SCN8A: variants seen among roughly 807,000 people sequenced by gnomAD.
SCN8A encodes sodium channel protein type 8 subunit alpha.
Under a neutral mutation model 184.1 loss-of-function variants are expected in SCN8A, and 30 were observed. The observed-to-expected ratio is 0.16, with a 90% CI of 0.12 to 0.22. The LOEUF is 0.22. Ranked by LOEUF, SCN8A falls within the 10% of genes least tolerant of loss-of-function variation. The probability of loss-of-function intolerance (pLI) is 1.00; values close to 1 mark genes in which losing one functional copy is unlikely to be tolerated. For synonymous variants in SCN8A, 852 were observed against 907.0 expected, an observed-to-expected ratio of 0.94 and a Z score of 1.09; for missense variants, 1,057 against 2,498.9, an observed-to-expected ratio of 0.42 and a Z score of 12.30.
At chr12:51,607,738 TC>T (rs1156956636) in intron 1 of SCN8A, among the ~76,000 whole-genome samples, 1 of 152,224 alleles carries the variant, frequency 6.6e-6, no homozygotes, top group African/African-American at 2.4e-5. Context: ...TTTATTGACT[TC>T]CATATGTTAA....
intron 2 of SCN8A, among the ~76,000 whole-genome samples, chr12:51,676,697 A>G (rs188670494): frequency 2.0e-5 from 3 of 152,338 alleles, no homozygotes; most frequent in Admixed American, 2.0e-4. Context: ...AAAACAGTTA[A>G]GATCTAGGGA....
chr12:51,716,284 G>A (rs2138770394), intron 11 of SCN8A, among the ~76,000 whole-genome samples: 1 of 152,350 alleles, frequency 6.6e-6, no homozygotes, highest in African/African-American at 2.4e-5. Context: ...GAGCCCAGGA[G>A]GTTGAGGCTG....
intron 1 of SCN8A, among the ~76,000 whole-genome samples, chr12:51,610,499 A>G (rs986418831): frequency 1.3e-5 from 2 of 152,108 alleles, no homozygotes; most frequent in East Asian, 1.9e-4. Context: ...TGTGTGATTT[A>G]TGCTTTAAAG....
rs1007522390 is a variant in SCN8A, at chr12:51,701,076, A to G, written c.929-68A>G. The G allele has an allele frequency of 1.2e-5, 12 of 1,040,716 alleles. No homozygotes were observed. In the African/African-American group the frequency reaches 1.9e-4, roughly 16 times the overall value. 64.5% of individuals were successfully genotyped at this position (1,040,716 alleles called of 1,614,324 possible). A position where few individuals can be genotyped will look rare whatever the true frequency, so the allele number is the denominator to read the frequency against. On this transcript the variant is annotated intron_variant, in intron 7 of 26. Transcript: ENST00000627620. ...CTTTCTGCTGGGGCTAGTTAGGAAC[A>G]GTGTAACCTTATTCTCTCATTCACT...
chr12:51,600,544 A>G (rs1303294420), intron 1 of SCN8A, among the ~76,000 whole-genome samples: 1 of 152,194 alleles, frequency 6.6e-6, no homozygotes, highest in Non-Finnish European at 1.5e-5. Flanking sequence ...TGTATGAAAA[A>G]TGTCAGACTT....
chr12:51,757,476 A>T (rs551623765), intron 14 of SCN8A, among the ~76,000 whole-genome samples: 1 of 152,226 alleles, frequency 6.6e-6, no homozygotes, highest in East Asian at 1.9e-4. Flanking sequence ...ATAAGGCTGA[A>T]TTTTTTCTGC....
intron 20 of SCN8A, among the ~76,000 whole-genome samples, chr12:51,777,546 T>G (rs1454955720): frequency 6.6e-6 from 1 of 152,204 alleles, no homozygotes; most frequent in Non-Finnish European, 1.5e-5. Flanking sequence ...CAGGAGGGGC[T>G]TAACAGAGAC....
At chr12:51,693,594 C>T (rs1941546221) in intron 6 of SCN8A, among the ~76,000 whole-genome samples, 1 of 152,184 alleles carries the variant, frequency 6.6e-6, no homozygotes, top group Non-Finnish European at 1.5e-5. Context: ...TGTGACCACA[C>T]CTGTGAGTAG....
At chr12:51,634,798 G>T (rs1418050905) in intron 1 of SCN8A, among the ~76,000 whole-genome samples, 1 of 151,714 alleles carries the variant, frequency 6.6e-6, no homozygotes, top group East Asian at 1.9e-4. Flanking sequence ...ACAGGTGCCT[G>T]CCACCACACC....
chr12:51,758,994 G>GTA (rs1942723630), intron 14 of SCN8A, among the ~76,000 whole-genome samples: 1 of 151,364 alleles, frequency 6.6e-6, no homozygotes, highest in African/African-American at 2.4e-5. Flanking sequence ...ATGTGTGTGT[G>GTA]TGTGTGTATA....
At chr12:51,633,284 A>T (rs1327951673) in intron 1 of SCN8A, among the ~76,000 whole-genome samples, 1 of 152,222 alleles carries the variant, frequency 6.6e-6, no homozygotes, top group Non-Finnish European at 1.5e-5. Context: ...AATTAGAAAT[A>T]TTTTGAAGGT....
At position 51,808,314 on chromosome 12, in the gene SCN8A, C is replaced by T. The variant is rs1288360460; in HGVS notation, c.*885C>T. On this transcript the variant is annotated 3_prime_UTR_variant, in exon 27 of 27. Coordinates refer to ENST00000627620, the MANE Select transcript of SCN8A (RefSeq NM_001330260.2). ...CCAACTAATTGACTAACACCACCAA[C>T]AACAAAAAACAAACCCAATCCAACA... 1.3e-5 allele frequency: 2 copies of T among 152,570 alleles called. No individual in the cohort carries two copies. The highest frequency in any genetic ancestry group is 2.9e-5 in the Non-Finnish European group (2 of 68,044). 9.5% of individuals were successfully genotyped at this position (152,570 alleles called of 1,614,324 possible).
chr12:51,624,556 G>A (rs1015983843), intron 1 of SCN8A, among the ~76,000 whole-genome samples: 8 of 151,904 alleles, frequency 5.3e-5, no homozygotes, highest in Non-Finnish European at 2.9e-5. Flanking sequence ...CTCCCATTCT[G>A]TAGGTTGCCT....
At chr12:51,640,769 C>T (rs570973075) in intron 1 of SCN8A, among the ~76,000 whole-genome samples, 25 of 152,292 alleles carry the variant, frequency 1.6e-4, no homozygotes, top group African/African-American at 5.8e-4. Flanking sequence ...ATTCATCCAC[C>T]AGCCAAGGTT....
At chr12:51,662,143 G>T (rs1940937491) in intron 1 of SCN8A, among the ~76,000 whole-genome samples, 1 of 152,198 alleles carries the variant, frequency 6.6e-6, no homozygotes, top group Non-Finnish European at 1.5e-5. Context: ...TGAGCTTGAT[G>T]GTTGAAGAAG....
At chr12:51,694,263 G>T (rs1350162337) in intron 6 of SCN8A, among the ~76,000 whole-genome samples, 1 of 152,202 alleles carries the variant, frequency 6.6e-6, no homozygotes, top group East Asian at 1.9e-4. Context: ...TGGCCATCCA[G>T]TGGTGGAAGA....
intron 1 of SCN8A, among the ~76,000 whole-genome samples, chr12:51,614,658 T>C (rs766945933): frequency 5.3e-5 from 8 of 152,180 alleles, no homozygotes; most frequent in Non-Finnish European, 1.2e-4. Flanking sequence ...CACCAAATTT[T>C]CTACTAATGT....
At chr12:51,618,829 C>T (rs1444106952) in intron 1 of SCN8A, among the ~76,000 whole-genome samples, 1 of 152,196 alleles carries the variant, frequency 6.6e-6, no homozygotes, top group Non-Finnish European at 1.5e-5. Flanking sequence ...TGGGAGGAGA[C>T]ACCCTGAGGA....
chr12:51,744,876 C>T (rs1942485293), intron 12 of SCN8A, among the ~76,000 whole-genome samples: 1 of 152,146 alleles, frequency 6.6e-6, no homozygotes, highest in African/African-American at 2.4e-5. Context: ...GGATCATTCT[C>T]TTACTGATCA....
Sources: allele counts gnomAD v4.1 joint callset (sites outside exome capture counted in the v4.1 genomes callset), GRCh38; gene constraint gnomAD v4.1.1; transcripts MANE v1.5; gene names NCBI Gene and HGNC (gene_info 2026-07-23, HGNC 2026-07-21).